Variants in CDH13 observed in about 807,000 individuals in gnomAD.
The protein encoded by CDH13 is cadherin 13.
In CDH13, 24 loss-of-function variants were observed where a neutral mutation model predicts 63.8. That is an observed-to-expected ratio of 0.38 (90% CI 0.27 to 0.53). CDH13 has a LOEUF of 0.53. Ranked by LOEUF, CDH13 falls within the 20% of genes least tolerant of loss-of-function variation. The pLI, the probability that CDH13 is intolerant of heterozygous loss-of-function variation, is 0.85. For missense variants in CDH13, 1,049 were observed against 903.1 expected (o/e 1.16, Z -2.07); for synonymous variants, 503 against 355.3 (o/e 1.42, Z -4.67).
chr16:83,328,619 T>G (rs7197697), intron 5 of CDH13, among the ~76,000 whole-genome samples: 11 of 152,136 alleles, frequency 7.2e-5, no homozygotes, highest in Non-Finnish European at 1.5e-4. Flanking sequence ...GTGGCTTGGC[T>G]GAGAAGGTAA....
intron 6 of CDH13, 25 bp downstream of exon 6, chr16:83,345,031 G>C (rs779668198): frequency 2.5e-6 from 4 of 1,610,120 alleles, no homozygotes; most frequent in Non-Finnish European, 3.4e-6. Context: ...CTTACCTTTA[G>C]CGTAATGGCT....
At chr16:82,753,630 A>G (rs562451411) in intron 1 of CDH13, among the ~76,000 whole-genome samples, 58 of 152,346 alleles carry the variant, frequency 3.8e-4, no homozygotes, top group Non-Finnish European at 6.5e-4. Flanking sequence ...AATGAGAGGC[A>G]TGGACTTTGA....
At chr16:83,290,607 A>G (rs2089442757) in intron 5 of CDH13, among the ~76,000 whole-genome samples, 1 of 152,116 alleles carries the variant, frequency 6.6e-6, no homozygotes, top group African/African-American at 2.4e-5. Flanking sequence ...AGTCTCAGGT[A>G]TGTCTTTATT....
chr16:83,058,396 G>C (rs1300852035), intron 3 of CDH13, among the ~76,000 whole-genome samples: 1 of 152,204 alleles, frequency 6.6e-6, no homozygotes, highest in African/African-American at 2.4e-5. Context: ...TTCTTCTCTG[G>C]CGGTTTGGTG....
At position 83,384,212 on chromosome 16, in the gene CDH13, A is replaced by G. The variant is rs564092502; in HGVS notation, c.781+39206A>G. Among the ~76,000 whole-genome samples, 15 of 152,242 alleles carry G rather than the reference A, an allele frequency of 9.9e-5. No individual in the cohort carries two copies. In the South Asian group the frequency reaches 2.1e-3, roughly 21 times the overall value. On this transcript the variant is annotated intron_variant, in intron 6 of 13. Transcript: ENST00000567109. ...TACCTTCTGCAACAGTGAGAAACCT[A>G]TTATTATTCTCAATATATCTACTAA...
intron 1 of CDH13, among the ~76,000 whole-genome samples, chr16:82,627,619 G>A (rs992452693): frequency 6.6e-6 from 1 of 152,074 alleles, no homozygotes; most frequent in Non-Finnish European, 1.5e-5. Context: ...GGCCGAGCAG[G>A]CACCACCGAC....
chr16:83,514,560 G>T (rs1280691129), intron 7 of CDH13, among the ~76,000 whole-genome samples: 1 of 152,178 alleles, frequency 6.6e-6, no homozygotes, highest in Non-Finnish European at 1.5e-5. Context: ...CATGGGAATT[G>T]CTTGAACCTG....
intron 2 of CDH13, among the ~76,000 whole-genome samples, chr16:82,988,171 G>GTGTGTGTATGTGCACATATGCATGT (rs1911190594): frequency 6.6e-6 from 1 of 152,172 alleles, no homozygotes; most frequent in Admixed American, 6.5e-5. Flanking sequence ...TGCATATGTG[G>GTGTGTGTATGTGCACATATGCATGT]TGTGTGTATG....
chr16:83,474,714 C>G (rs1274096133), intron 6 of CDH13, among the ~76,000 whole-genome samples: 15 of 152,204 alleles, frequency 9.9e-5, no homozygotes, highest in Non-Finnish European at 1.9e-4. Flanking sequence ...AGGTCAAGAG[C>G]TGGGAGCCCG....
intron 7 of CDH13, among the ~76,000 whole-genome samples, chr16:83,593,737 C>G (rs1308225147): frequency 6.6e-6 from 1 of 151,818 alleles, no homozygotes; most frequent in Non-Finnish European, 1.5e-5. Context: ...CTATGATGTC[C>G]CAGGCAGTGA....
At chr16:82,863,154 C>A (rs916551739) in intron 2 of CDH13, among the ~76,000 whole-genome samples, 2 of 152,138 alleles carry the variant, frequency 1.3e-5, no homozygotes, top group South Asian at 2.1e-4. Context: ...CAGAAAGAGA[C>A]ATAAATAGAG....
At chr16:82,672,696 C>A (rs1913395946) in intron 1 of CDH13, among the ~76,000 whole-genome samples, 1 of 151,740 alleles carries the variant, frequency 6.6e-6, no homozygotes, top group African/African-American at 2.4e-5. Flanking sequence ...TCACTGTTCT[C>A]CATAGAATTC....
chr16:83,216,670 A>C (rs1377132418), intron 4 of CDH13, among the ~76,000 whole-genome samples: 6 of 145,798 alleles, frequency 4.1e-5, no homozygotes, highest in Admixed American at 7.1e-5. Flanking sequence ...GGGGTTTCAC[A>C]TATATAAAAC....
chr16:82,930,467 C>CT (rs1219849799), intron 2 of CDH13, among the ~76,000 whole-genome samples: 6 of 83,970 alleles, frequency 7.1e-5, no homozygotes, highest in African/African-American at 3.1e-4. Flanking sequence ...AATGTTTTAA[C>CT]TTTTTCTTGA....
chr16:82,992,024 A>C (rs80210903), intron 2 of CDH13, among the ~76,000 whole-genome samples: 2 of 152,162 alleles, frequency 1.3e-5, no homozygotes, highest in African/African-American at 4.8e-5. Flanking sequence ...TTATATAATA[A>C]AAGTATGTTT....
intron 1 of CDH13, among the ~76,000 whole-genome samples, chr16:82,652,269 G>T (rs1413662531): frequency 6.6e-6 from 1 of 152,162 alleles, no homozygotes; most frequent in Non-Finnish European, 1.5e-5. Flanking sequence ...GGCTCTGAAA[G>T]ATTACAGGAA....
intron 1 of CDH13, among the ~76,000 whole-genome samples, chr16:82,683,524 C>T (rs569410548): frequency 1.3e-5 from 2 of 152,270 alleles, no homozygotes; most frequent in South Asian, 4.1e-4. Flanking sequence ...TTATATCATG[C>T]CAGAAACAGC....
intron 3 of CDH13, among the ~76,000 whole-genome samples, chr16:83,079,628 C>A (rs1181914621): frequency 6.6e-6 from 1 of 152,150 alleles, no homozygotes; most frequent in Non-Finnish European, 1.5e-5. Context: ...TTGTAGTTGT[C>A]ATTGTTACCA....
intron 6 of CDH13, among the ~76,000 whole-genome samples, chr16:83,373,144 A>C (rs975144492): frequency 2.6e-5 from 4 of 152,202 alleles, no homozygotes; most frequent in African/African-American, 9.7e-5. Flanking sequence ...GCAAATGTTT[A>C]AACTATATTG....
Sources: gnomAD v4.1 joint callset for allele counts (sites outside exome capture counted in the v4.1 genomes callset) on GRCh38, gnomAD v4.1.1 for gene constraint, MANE v1.5 for transcripts, NCBI Gene and HGNC (gene_info 2026-07-23, HGNC 2026-07-21) for gene names.